The following PPP1R12A variants were observed in gnomAD, a reference collection of about 807,000 sequenced individuals.
PPP1R12A encodes the protein myosin binding subunit.
A neutral mutation model predicts 139.6 loss-of-function variants in PPP1R12A; 19 were observed. The ratio of observed to expected loss-of-function variants is 0.14; its 90% CI spans 0.09 to 0.20. PPP1R12A has a LOEUF of 0.20. Ranked by LOEUF, PPP1R12A falls within the 10% of genes least tolerant of loss-of-function variation. The pLI is 1.00. For synonymous variants in PPP1R12A, 427 were observed against 420.6 expected, an observed-to-expected ratio of 1.02 and a Z score of -0.19; for missense variants, 925 against 1,211.5, an observed-to-expected ratio of 0.76 and a Z score of 3.51.
At position 79,832,386 on chromosome 12, in the gene PPP1R12A, G is replaced by A; in HGVS notation, c.593C>T (p.Ser198Phe). The stretch of plus-strand genomic sequence containing the variant: ...TGCAACGTGAAGTGCTGTACCTCCA[G>A]ATTTTGCATGCCGGACATCATTTAT... ...GHINDVRHAK[S>F]GGTALHVAAA... The change falls in exon 4 of 25, where the codon TCT becomes TTT. Residue 198 changes from serine to phenylalanine, a missense_variant. Physicochemically the swap from Ser to Phe is radical, Grantham distance 155. Around this residue, in one of 4 missense-constraint regions of PPP1R12A, gnomAD observed 199 missense variants for 352.4 expected, o/e 0.56. Coordinates refer to ENST00000450142, the MANE Select transcript of PPP1R12A (RefSeq NM_002480.3). The A allele has an allele frequency of 6.2e-7, 1 of 1,613,558 alleles. No homozygotes were observed. Among genetic ancestry groups the A allele is most frequent in the Non-Finnish European group, 8.5e-7 (1 of 1,179,650 alleles).
intron 19 of PPP1R12A, among the ~76,000 whole-genome samples, chr12:79,792,435 T>C (rs1271695185): frequency 1.3e-5 from 2 of 152,214 alleles, no homozygotes; most frequent in African/African-American, 4.8e-5. Flanking sequence ...TTTTCTTTGT[T>C]TAATCCAGTT....
intron 17 of PPP1R12A, among the ~76,000 whole-genome samples, chr12:79,796,505 A>G (rs1407166072): frequency 3.9e-5 from 6 of 152,198 alleles, no homozygotes; most frequent in Non-Finnish European, 8.8e-5. Context: ...GCTTCTAGAA[A>G]TAGTCACCCA....
chr12:79,899,243 T>A (rs1468270669), intron 1 of PPP1R12A, among the ~76,000 whole-genome samples: 5 of 900 alleles, frequency 5.6e-3, no homozygotes, highest in African/African-American at 0.045. Context: ...AATATATATA[T>A]ATATATATAT....
intron 1 of PPP1R12A, among the ~76,000 whole-genome samples, chr12:79,880,471 T>C (rs1385328862): frequency 6.6e-6 from 1 of 152,214 alleles, no homozygotes; most frequent in African/African-American, 2.4e-5. Context: ...GATCTGAATA[T>C]AATGCAAAGA....
At chr12:79,798,472 A>G (rs974424688) in intron 15 of PPP1R12A, 22 bp downstream of exon 15, 1 of 1,433,916 alleles carries the variant, frequency 7.0e-7, no homozygotes, top group Non-Finnish European at 9.5e-7. Flanking sequence ...TAAGTTTTAT[A>G]TATTAATTAC....
intron 1 of PPP1R12A, among the ~76,000 whole-genome samples, chr12:79,917,585 C>A (rs767330253): frequency 9.9e-5 from 15 of 151,448 alleles, no homozygotes; most frequent in Non-Finnish European, 1.8e-4. Flanking sequence ...GTCAAAATAA[C>A]CCAACCTTTC....
chr12:79,917,262 G>C (rs980472740), intron 1 of PPP1R12A, among the ~76,000 whole-genome samples: 1 of 151,978 alleles, frequency 6.6e-6, no homozygotes, highest in Admixed American at 6.6e-5. Context: ...CGAGGCGGGT[G>C]GATCACGAGG....
chr12:79,798,322 G>C (rs1211570785), intron 15 of PPP1R12A, among the ~76,000 whole-genome samples, 172 bp downstream of exon 15: 4 of 152,188 alleles, frequency 2.6e-5, no homozygotes, highest in African/African-American at 7.2e-5. Flanking sequence ...AGAATTACTA[G>C]AATAACTACA....
chr12:79,873,349 C>G (rs1405366763), intron 1 of PPP1R12A, among the ~76,000 whole-genome samples: 1 of 151,974 alleles, frequency 6.6e-6, no homozygotes, highest in East Asian at 1.9e-4. Flanking sequence ...ATGTCATTTC[C>G]CTTTTTTACT....
At chr12:79,806,449 A>T in intron 12 of PPP1R12A, 116 bp from the exon 13 acceptor site, 1 of 862,414 alleles carries the variant, frequency 1.2e-6, no homozygotes, top group Non-Finnish European at 1.7e-6. Context: ...TGTGTTCCTA[A>T]ATACACCACC....
At chr12:79,808,598 T>C (rs1404409774) in intron 10 of PPP1R12A, 21 bp from the exon 11 acceptor site, 2 of 1,461,482 alleles carry the variant, frequency 1.4e-6, no homozygotes, top group African/African-American at 1.4e-5. Flanking sequence ...GGGAAAAAAA[T>C]AAGTAAAAAT....
chr12:79,857,766 G>A (rs1288247241), intron 2 of PPP1R12A, among the ~76,000 whole-genome samples: 1 of 151,958 alleles, frequency 6.6e-6, no homozygotes, highest in Non-Finnish European at 1.5e-5. Flanking sequence ...CTGAAGATGA[G>A]AATCTATGTT....
chr12:79,826,286 AAG>A lies in PPP1R12A; in HGVS notation c.792+2032_792+2033del, dbSNP rs1330322413. ...ATTGCATTAGGTAATATGTGTAAAAAAGGCTGAAAACCTTTAAATTCTATGTA... is the reference window on the plus strand; with the variant it reads ...ATTGCATTAGGTAATATGTGTAAAAAGCTGAAAACCTTTAAATTCTATGTA... On this transcript the variant is annotated intron_variant, in intron 5 of 24. Coordinates refer to ENST00000450142, the MANE Select transcript of PPP1R12A (RefSeq NM_002480.3). Among the ~76,000 whole-genome samples the A allele has an allele frequency of 2.0e-5, 3 of 151,894 alleles. No individual in the cohort carries two copies. In the East Asian group the frequency reaches 5.8e-4, roughly 29 times the overall value.
At chr12:79,895,932 T>A (rs373053126) in intron 1 of PPP1R12A, among the ~76,000 whole-genome samples, 4 of 152,174 alleles carry the variant, frequency 2.6e-5, no homozygotes, top group Non-Finnish European at 4.4e-5. Context: ...GTAGCCTAAG[T>A]AAGAGCAAGG....
At position 79,778,588 on chromosome 12, in the gene PPP1R12A, G is replaced by C. The variant is rs1473196717; in HGVS notation, c.2968C>G (p.Leu990Val). The change falls in exon 24 of 25, where the codon CTA becomes GTA. Residue 990 changes from leucine (L) to valine (V), a missense_variant. By Grantham distance (32) the Leu-to-Val change is conservative. Transcript: ENST00000450142. ...TCCATTTCAGATATTCTTCTTTCTA[G>C]AGCTCTTCGTTCCTAGATCGATTTA... ...LEMEKRERRA[L>V]ERRISEMEEE... 2.0e-6 allele frequency: 3 copies of C among 1,529,068 alleles called. No individual in the cohort carries two copies. Among genetic ancestry groups the C allele is most frequent in the Admixed American group, 4.0e-5 (2 of 50,550 alleles). The allele number at this position is 1,529,068 out of a possible 1,614,324, so 94.7% of individuals were successfully genotyped here.
chr12:79,781,993 AAAGAG>A (rs552809123), intron 22 of PPP1R12A, 131 bp from the exon 23 acceptor site: 1 of 469,088 alleles, frequency 2.1e-6, no homozygotes. Context: ...TGAGTAAAGC[AAAGAG>A]AAAACAGGAT....
chr12:79,897,459 A>T (rs867675080), intron 1 of PPP1R12A, among the ~76,000 whole-genome samples: 2 of 152,190 alleles, frequency 1.3e-5, no homozygotes, highest in African/African-American at 2.4e-5. Flanking sequence ...GTACCTGGGT[A>T]ATAGATACAT....
rs548491887 is a variant in PPP1R12A at position 79,855,120 on chromosome 12, C to G, written c.369-9700G>C. Among the ~76,000 whole-genome samples the G allele has an allele frequency of 7.0e-3, 1,067 of 152,120 alleles. 11 individuals are homozygous for G. The highest frequency in any genetic ancestry group is 0.011 in the Non-Finnish European group (715 of 68,004). The stretch of plus-strand genomic sequence containing the variant: ...TCTCCTGCTTCAGCCTCCCGAGTAG[C>G]TGGGACTACAGGCGCCTGCCACCAC... On this transcript the variant is annotated intron_variant, in intron 2 of 24. Transcript: ENST00000450142.
At chr12:79,821,302 T>C in intron 6 of PPP1R12A, 136 bp from the exon 7 acceptor site, 1 of 614,958 alleles carries the variant, frequency 1.6e-6, no homozygotes, top group Non-Finnish European at 2.7e-6. Context: ...AAATTAAGTT[T>C]TACCTGAAAA....
Sources: gnomAD v4.1 joint callset for allele counts (sites outside exome capture counted in the v4.1 genomes callset) on GRCh38, gnomAD v4.1.1 for gene constraint, gnomAD v4.1.1 regional missense constraint, MANE v1.5 for transcripts, NCBI Gene and HGNC (gene_info 2026-07-23, HGNC 2026-07-21) for gene names.